Variants in EGFR observed in about 807,000 individuals in gnomAD.
The protein encoded by EGFR is epidermal growth factor receptor, also known as avian erythroblastic leukemia viral (v-erb-b) oncogene homolog.
In EGFR, 58 loss-of-function variants were observed where a neutral mutation model predicts 143.0. The ratio of observed to expected loss-of-function variants is 0.41; its 90% CI spans 0.33 to 0.50. The LOEUF (loss-of-function observed/expected upper bound fraction) is 0.50, where lower values mean the gene tolerates loss of function less well. EGFR is among the 20% of genes least tolerant of loss of function. EGFR has a pLI of 0.39. For missense variants in EGFR, 1,307 were observed against 1,579.0 expected (o/e 0.83, Z 2.92); for synonymous variants, 613 against 594.4 (o/e 1.03, Z -0.45).
intron 19 of EGFR, among the ~76,000 whole-genome samples, chr7:55,176,157 T>C (rs1786581829): frequency 6.6e-6 from 1 of 152,242 alleles, no homozygotes; most frequent in Non-Finnish European, 1.5e-5. Context: ...CACAATTTGC[T>C]TCCTTAATTC....
rs568288892 is a variant in EGFR, at chr7:55,179,075, G to A, written c.2284-2218G>A. Among the ~76,000 whole-genome samples, 4 of 152,372 alleles carry A rather than the reference G, an allele frequency of 2.6e-5. No homozygotes were observed. The East Asian group carries it at 5.8e-4, about 22-fold the overall frequency. ...GAGACTTGAGTCAACGTAAGAGCAAGTGTGTGCCGGGTGATCCGACACTGC... is the reference window on the plus strand; with the variant it reads ...GAGACTTGAGTCAACGTAAGAGCAAATGTGTGCCGGGTGATCCGACACTGC... On this transcript the variant is annotated intron_variant, in intron 19 of 27. Coordinates refer to ENST00000275493, the MANE Select transcript of EGFR (RefSeq NM_005228.5).
At chr7:55,106,529 T>C (rs1007060896) in intron 1 of EGFR, among the ~76,000 whole-genome samples, 1 of 152,258 alleles carries the variant, frequency 6.6e-6, no homozygotes, top group Admixed American at 6.5e-5. Flanking sequence ...TGTTTATCAA[T>C]CTTCAGTTCT....
intron 19 of EGFR, among the ~76,000 whole-genome samples, chr7:55,179,092 C>G (rs117223577): frequency 8.5e-5 from 13 of 152,214 alleles, no homozygotes; most frequent in Admixed American, 6.5e-5. Context: ...CCGGGTGATC[C>G]GACACTGCAG....
At chr7:55,097,076 C>A (rs559181655) in intron 1 of EGFR, among the ~76,000 whole-genome samples, 197 of 152,276 alleles carry the variant, frequency 1.3e-3, no homozygotes, top group Middle Eastern at 3.4e-3. Context: ...TTTCTGAAGC[C>A]CAAGTCACTG....
At chr7:55,103,721 G>T (rs1191044519) in intron 1 of EGFR, among the ~76,000 whole-genome samples, 1 of 152,190 alleles carries the variant, frequency 6.6e-6, no homozygotes, top group Non-Finnish European at 1.5e-5. Context: ...AGAGTCTGTA[G>T]AAATATGACC....
chr7:55,038,607 T>C (rs1316672892), intron 1 of EGFR, among the ~76,000 whole-genome samples: 1 of 152,208 alleles, frequency 6.6e-6, no homozygotes, highest in Non-Finnish European at 1.5e-5. Flanking sequence ...ATGTATCCAC[T>C]TGGAAAAGAT....
chr7:55,083,849 G>A (rs1428096338), intron 1 of EGFR, among the ~76,000 whole-genome samples: 3 of 152,134 alleles, frequency 2.0e-5, no homozygotes, highest in Non-Finnish European at 4.4e-5. Flanking sequence ...TAACATCCTG[G>A]GAATGATTGG....
chr7:55,165,444 G>A lies in EGFR; in HGVS notation c.1880+7G>A, dbSNP rs372880455. 3.7e-6 allele frequency: 6 copies of A among 1,606,344 alleles called. No homozygotes were observed. Among genetic ancestry groups the A allele is most frequent in the Non-Finnish European group, 4.3e-6 (5 of 1,174,710 alleles). On this transcript the variant is annotated splice_region_variant and intron_variant, in intron 15 of 27. Coordinates refer to ENST00000275493, the MANE Select transcript of EGFR (RefSeq NM_005228.5). ...ATCCAAACTGCACCTACGGGTGAGT[G>A]GAAAGTGAAGGAGAACAGAACATTT... is the stretch of plus-strand genomic sequence containing the variant.
At chr7:55,129,628 G>A (rs995456644) in intron 1 of EGFR, among the ~76,000 whole-genome samples, 10 of 152,170 alleles carry the variant, frequency 6.6e-5, no homozygotes, top group African/African-American at 1.9e-4. Flanking sequence ...TGCCCAGCAC[G>A]GAGCTGCAAC....
In EGFR at chr7:55,171,349, A is replaced by G. The variant is rs41491049; in HGVS notation, c.1919+136A>G. ...TATGGCTCTGGGCCAGCCTACCCTCAGCCAGGGTTTCTGCAGAGACTGCCC... is the reference window on the plus strand; with the variant it reads ...TATGGCTCTGGGCCAGCCTACCCTCGGCCAGGGTTTCTGCAGAGACTGCCC... On this transcript the variant is annotated intron_variant, in intron 16 of 27. Transcript: ENST00000275493. 1,097 of 1,276,772 alleles carry G rather than the reference A, an allele frequency of 8.6e-4. 6 individuals carry two copies. The African/African-American group carries it at 0.014, about 16-fold the overall frequency. The allele number at this position is 1,276,772 out of a possible 1,614,324, so 79.1% of individuals were successfully genotyped here.
At position 55,187,106 on chromosome 7, in the gene EGFR, G is replaced by A. The variant is rs550709287; in HGVS notation, c.2470-4613G>A. ...CTGACTGGGAGATGCTGAGGACAGGGAGGAAACCACCAGATAAGGGACACT... is the reference window on the plus strand; with the variant it reads ...CTGACTGGGAGATGCTGAGGACAGGAAGGAAACCACCAGATAAGGGACACT... On this transcript the variant is annotated intron_variant, in intron 20 of 27. Transcript: ENST00000275493. Among the ~76,000 whole-genome samples the A allele has an allele frequency of 3.3e-5, 5 of 152,316 alleles. No homozygotes were observed. The East Asian group carries it at 7.7e-4, about 24-fold the overall frequency.
chr7:55,149,191 G>T (rs946446787), intron 4 of EGFR, among the ~76,000 whole-genome samples: 1 of 152,056 alleles, frequency 6.6e-6, no homozygotes, highest in Non-Finnish European at 1.5e-5. Flanking sequence ...TATGTTAATG[G>T]CTACCAGGAA....
intron 1 of EGFR, among the ~76,000 whole-genome samples, chr7:55,049,779 G>A (rs976986629): frequency 6.6e-6 from 1 of 152,142 alleles, no homozygotes; most frequent in Non-Finnish European, 1.5e-5. Flanking sequence ...AAGATCAGAG[G>A]AGCACAAATC....
intron 18 of EGFR, 45 bp downstream of exon 18, chr7:55,174,088 T>C (rs2128953883): frequency 6.2e-7 from 1 of 1,613,500 alleles, no homozygotes; most frequent in African/African-American, 1.3e-5. Flanking sequence ...GCAGGGCCTC[T>C]CATGGTCTGG....
chr7:55,053,823 G>C (rs978123957), intron 1 of EGFR, among the ~76,000 whole-genome samples: 1 of 152,226 alleles, frequency 6.6e-6, no homozygotes, highest in African/African-American at 2.4e-5. Flanking sequence ...TCCTTTCAGT[G>C]AATCACCTGA....
At chr7:55,129,436 A>G (rs564373628) in intron 1 of EGFR, among the ~76,000 whole-genome samples, 6 of 152,272 alleles carry the variant, frequency 3.9e-5, no homozygotes, top group Non-Finnish European at 7.3e-5. Context: ...TCAGCTTAAC[A>G]TAAGGAACAA....
intron 1 of EGFR, among the ~76,000 whole-genome samples, chr7:55,108,787 G>C (rs1192031544): frequency 6.6e-6 from 1 of 152,176 alleles, no homozygotes; most frequent in Non-Finnish European, 1.5e-5. Context: ...AGGACTCCAG[G>C]TGGCAGAATA....
intron 27 of EGFR, chr7:55,202,877 T>C: frequency 1.5e-6 from 1 of 659,686 alleles, no homozygotes; most frequent in Non-Finnish European, 2.8e-6. Flanking sequence ...TTCTAGCTTA[T>C]GAAGCAAATC....
At chr7:55,151,580 T>A (rs1465655825) in intron 5 of EGFR, among the ~76,000 whole-genome samples, 1 of 152,124 alleles carries the variant, frequency 6.6e-6, no homozygotes, top group Non-Finnish European at 1.5e-5. Context: ...CACAAATAAG[T>A]GAACATCAGC....
Sources: gnomAD v4.1 joint callset for allele counts (sites outside exome capture counted in the v4.1 genomes callset) on GRCh38, gnomAD v4.1.1 for gene constraint, MANE v1.5 for transcripts, NCBI Gene and HGNC (gene_info 2026-07-23, HGNC 2026-07-21) for gene names.